Variants in PCDHGA5 observed in about 807,000 individuals in gnomAD.
The protein encoded by PCDHGA5 is protocadherin gamma-A5.
In PCDHGA5, 36 loss-of-function variants were observed where a neutral mutation model predicts 56.7. That is an observed-to-expected ratio of 0.64 (90% CI 0.49 to 0.84). PCDHGA5 has a LOEUF of 0.84. PCDHGA5 is among the 40% of genes least tolerant of loss of function. The probability of loss-of-function intolerance (pLI) is 0.00; values close to 1 mark genes in which losing one functional copy is unlikely to be tolerated. For missense variants in PCDHGA5, 1,305 were observed against 1,201.5 expected, an observed-to-expected ratio of 1.09 and a Z score of -1.27; for synonymous variants, 563 against 520.2, an observed-to-expected ratio of 1.08 and a Z score of -1.12.
Position 141,485,631 on chromosome 5 carries a change from C to T in PCDHGA5, c.2422-9176C>T. 6.2e-7 allele frequency: 1 copy of T among 1,611,764 alleles called. No homozygotes were observed. The highest frequency in any genetic ancestry group is 8.5e-7 in the Non-Finnish European group (1 of 1,178,360). Reference sequence around the variant, plus strand: ...GCAGCTCCTCCAGGACAGCGTTTCCCGTTGGAAAAGGCTCAGGATGCAGAT... The same window carrying T: ...GCAGCTCCTCCAGGACAGCGTTTCCTGTTGGAAAAGGCTCAGGATGCAGAT... On this transcript the variant is annotated intron_variant, in intron 1 of 3. Coordinates refer to ENST00000518069, the MANE Select transcript of PCDHGA5 (RefSeq NM_018918.3). The surrounding 1 kb of genome is among the most constrained non-coding windows in gnomAD (Gnocchi z 5.7).
rs2099664737 is a variant in PCDHGA5, at chr5:141,487,754, G to GTAGAC, written c.2422-7052_2422-7048dup. 1 of 1,552,036 alleles carries GTAGAC rather than the reference G, an allele frequency of 6.4e-7. No homozygotes were observed. The highest frequency in any genetic ancestry group is 1.4e-5 in the African/African-American group (1 of 73,242). ...CATTTTTGTAAGAGGTAACTATGTG[G>GTAGAC]TAGACGCTGTGCTTTGTAACTGTTT... On this transcript the variant is annotated intron_variant, in intron 1 of 3. Transcript: ENST00000518069. This position sits in a 1 kb window ranked among gnomAD's most constrained non-coding sequence, Gnocchi z 5.0.
chr5:141,489,944 T>C lies in PCDHGA5; in HGVS notation c.2422-4863T>C. On this transcript the variant is annotated intron_variant, in intron 1 of 3. Coordinates refer to ENST00000518069, the MANE Select transcript of PCDHGA5 (RefSeq NM_018918.3). The surrounding 1 kb of genome is among the most constrained non-coding windows in gnomAD (Gnocchi z 4.5). Reference sequence around the variant, plus strand: ...CTTATCTCTGTCATCGTGCTGGACATCAATGATAATGCTCCAACCTTCCAA... The same window carrying C: ...CTTATCTCTGTCATCGTGCTGGACACCAATGATAATGCTCCAACCTTCCAA... 6.2e-7 allele frequency: 1 copy of C among 1,614,172 alleles called. No homozygotes were observed. Among genetic ancestry groups the C allele is most frequent in the Non-Finnish European group, 8.5e-7 (1 of 1,180,010 alleles).
rs1441791773 is a variant in PCDHGA5, at chr5:141,486,038, G to A, written c.2422-8769G>A. The A allele has an allele frequency of 1.9e-6, 3 of 1,614,066 alleles. No individual in the cohort carries two copies. The highest frequency in any genetic ancestry group is 1.1e-5 in the South Asian group (1 of 91,088). On this transcript the variant is annotated intron_variant, in intron 1 of 3. Coordinates refer to ENST00000518069, the MANE Select transcript of PCDHGA5 (RefSeq NM_018918.3). The surrounding 1 kb of genome is among the most constrained non-coding windows in gnomAD (Gnocchi z 5.0). ...TTTCAGTGGTCATACCCCTGATCGT[G>A]TAAGAAACCTCTTTAGCCTGCACCC...
intron 1 of PCDHGA5, chr5:141,391,541 G>T (rs2092385789): frequency 6.6e-6 from 1 of 152,056 alleles, no homozygotes; most frequent in South Asian, 2.1e-4. Flanking sequence ...GGTTTCCATT[G>T]TCTACCCAGT....
intron 1 of PCDHGA5, chr5:141,478,905 G>T (rs1593970684): frequency 1.1e-6 from 1 of 930,214 alleles, no homozygotes; most frequent in East Asian, 2.7e-5. Flanking sequence ...GGAATAAGCT[G>T]CTGGATACCT....
chr5:141,415,102 A>G, intron 1 of PCDHGA5: 2 of 1,613,550 alleles, frequency 1.2e-6, no homozygotes, highest in Non-Finnish European at 8.5e-7. Flanking sequence ...AGACGCGCTC[A>G]AGCAAAGCCT....
chr5:141,472,533 C>A (rs1200612581), intron 1 of PCDHGA5, among the ~76,000 whole-genome samples: 3 of 150,970 alleles, frequency 2.0e-5, no homozygotes, highest in African/African-American at 7.3e-5. Flanking sequence ...GAGTGAGACA[C>A]CATCTCAAGA....
chr5:141,428,305 G>T (rs751498223), intron 1 of PCDHGA5: 8 of 694,348 alleles, frequency 1.2e-5, no homozygotes. Flanking sequence ...GATTTACCTG[G>T]TCGTGGCCTT....
chr5:141,477,845 G>A lies in PCDHGA5; in HGVS notation c.2422-16962G>A, dbSNP rs1164464559. On this transcript the variant is annotated intron_variant, in intron 1 of 3. Transcript: ENST00000518069. This position sits in a 1 kb window ranked among gnomAD's most constrained non-coding sequence, Gnocchi z 4.9. ...ATATCCTCGGCCAGGTGGGAGCTCGGTGGAGATGCTGCCTCGAGGTACCTC... is the reference window on the plus strand; with the variant it reads ...ATATCCTCGGCCAGGTGGGAGCTCGATGGAGATGCTGCCTCGAGGTACCTC... 11 of 1,614,040 alleles carry A rather than the reference G, an allele frequency of 6.8e-6. No individual in the cohort carries two copies. The highest frequency in any genetic ancestry group is 9.3e-6 in the Non-Finnish European group (11 of 1,180,036).
intron 1 of PCDHGA5, among the ~76,000 whole-genome samples, chr5:141,466,735 T>C (rs2099128254): frequency 6.6e-6 from 1 of 152,224 alleles, no homozygotes; most frequent in South Asian, 2.1e-4. Context: ...GCAGAATTCA[T>C]GTTACTCTGA....
rs778819723 is a variant in PCDHGA5 at position 141,398,637 on chromosome 5, T to C, written c.2421+31886T>C. 1.9e-6 allele frequency: 3 copies of C among 1,613,908 alleles called. No homozygotes were observed. The African/African-American group carries it at 4.0e-5, about 22-fold the overall frequency. On this transcript the variant is annotated intron_variant, in intron 1 of 3. Transcript: ENST00000518069. ...TTGGCTTAAACTCTCTGCAGAAGTATAAACTCTCTCTTAACCCAAGTTTCT... is the reference window on the plus strand; with the variant it reads ...TTGGCTTAAACTCTCTGCAGAAGTACAAACTCTCTCTTAACCCAAGTTTCT...
At chr5:141,404,508 C>T (rs2154535422) in intron 1 of PCDHGA5, 2 of 1,613,964 alleles carry the variant, frequency 1.2e-6, no homozygotes, top group Non-Finnish European at 1.7e-6. Flanking sequence ...GCTCTGTGCT[C>T]CTTTGACTAT....
intron 1 of PCDHGA5, chr5:141,375,358 G>A (rs1436482456): frequency 1.2e-6 from 2 of 1,613,810 alleles, no homozygotes; most frequent in Non-Finnish European, 8.5e-7. Context: ...TGACAGCCAC[G>A]GACAAAGGAA....
chr5:141,487,058 C>T lies in PCDHGA5; in HGVS notation c.2422-7749C>T, dbSNP rs775720601. 23 of 1,613,980 alleles carry T rather than the reference C, an allele frequency of 1.4e-5. No individual in the cohort carries two copies. The highest frequency in any genetic ancestry group is 1.0e-4 in the Admixed American group (6 of 59,996). ...AGTCTCTCGATATGCTGGGGAGGTGCGGACGGCTGTTCCTATCCCAGCTGA... is the reference window on the plus strand; with the variant it reads ...AGTCTCTCGATATGCTGGGGAGGTGTGGACGGCTGTTCCTATCCCAGCTGA... On this transcript the variant is annotated intron_variant, in intron 1 of 3. Transcript: ENST00000518069. The surrounding 1 kb of genome is among the most constrained non-coding windows in gnomAD (Gnocchi z 5.0).
intron 1 of PCDHGA5, chr5:141,375,539 C>G (rs1771564723): frequency 1.2e-6 from 2 of 1,613,986 alleles, no homozygotes; most frequent in Non-Finnish European, 1.7e-6. Context: ...CCAGAACGCC[C>G]AAGTCTCCTA....
intron 1 of PCDHGA5, chr5:141,405,141 A>G (rs749502643): frequency 6.2e-7 from 1 of 1,613,980 alleles, no homozygotes; most frequent in South Asian, 1.1e-5. Flanking sequence ...GCTACCAGTG[A>G]TGGGTTGGCT....
At chr5:141,509,143 C>T (rs1022878562) in intron 3 of PCDHGA5, among the ~76,000 whole-genome samples, 9 of 152,138 alleles carry the variant, frequency 5.9e-5, no homozygotes, top group Non-Finnish European at 1.0e-4. Flanking sequence ...AGGCGCATCC[C>T]GGCTCTCCCC....
chr5:141,391,553 T>G (rs2150453893), intron 1 of PCDHGA5: 1 of 152,348 alleles, frequency 6.6e-6, no homozygotes, highest in South Asian at 2.1e-4. Context: ...CTACCCAGTT[T>G]TCCATATGCA....
chr5:141,437,346 T>C (rs143931647), intron 1 of PCDHGA5, among the ~76,000 whole-genome samples: 2 of 152,380 alleles, frequency 1.3e-5, no homozygotes, highest in East Asian at 3.9e-4. Flanking sequence ...CACTGTTTTA[T>C]AGTACCTAAA....
Sources: allele counts gnomAD v4.1 joint callset (sites outside exome capture counted in the v4.1 genomes callset), GRCh38; gene constraint gnomAD v4.1.1; non-coding constraint Gnocchi (gnomAD v3.1); transcripts MANE v1.5; gene names NCBI Gene and HGNC (gene_info 2026-07-23, HGNC 2026-07-21).